Variants in DISC1 observed in about 807,000 individuals in gnomAD.
DISC1 encodes DISC1 scaffold protein.
In DISC1, 57 loss-of-function variants were observed where a neutral mutation model predicts 84.5. That is an observed-to-expected ratio of 0.67 (90% confidence interval 0.55 to 0.84). The LOEUF is 0.84. DISC1 is among the 40% of genes least tolerant of loss of function. The pLI is 0.00. For synonymous variants in DISC1, 411 were observed against 415.2 expected (o/e 0.99, Z 0.12); for missense variants, 1,000 against 1,057.8 (o/e 0.95, Z 0.76).
intron 6 of DISC1, among the ~76,000 whole-genome samples, chr1:231,779,647 CTTCCCGGG>C (rs2077236796): frequency 6.9e-6 from 1 of 144,024 alleles, no homozygotes; most frequent in Non-Finnish European, 1.5e-5. Flanking sequence ...GCAAGCTCCA[CTTCCCGGG>C]TTCACGCCAT....
intron 9 of DISC1, among the ~76,000 whole-genome samples, chr1:231,862,749 T>C (rs1053671088): frequency 6.6e-6 from 1 of 152,234 alleles, no homozygotes; most frequent in Non-Finnish European, 1.5e-5. Context: ...ACATTTAGTT[T>C]GGTAATATTT....
intron 9 of DISC1, among the ~76,000 whole-genome samples, chr1:231,879,218 A>G (rs1558683569): frequency 6.6e-6 from 1 of 152,076 alleles, no homozygotes; most frequent in Non-Finnish European, 1.5e-5. Flanking sequence ...GTGTTCAAAA[A>G]GTTTCAAATT....
chr1:231,707,323 C>A (rs941192456), intron 3 of DISC1, among the ~76,000 whole-genome samples: 6 of 152,196 alleles, frequency 3.9e-5, no homozygotes, highest in African/African-American at 1.4e-4. Context: ...GCAATTTCCA[C>A]CTGCAGCTCC....
chr1:231,914,571 C>T (rs2089483054), intron 9 of DISC1, among the ~76,000 whole-genome samples: 1 of 152,114 alleles, frequency 6.6e-6, no homozygotes, highest in Admixed American at 6.6e-5. Flanking sequence ...TTGTCCCCAC[C>T]ACAGGAAGAA....
chr1:231,955,869 G>T (rs752626775), intron 9 of DISC1, among the ~76,000 whole-genome samples: 8 of 152,114 alleles, frequency 5.3e-5, no homozygotes, highest in Non-Finnish European at 1.0e-4. Flanking sequence ...TCTAAAATCT[G>T]CCCACTTATC....
intron 7 of DISC1, among the ~76,000 whole-genome samples, chr1:231,797,537 GAA>G (rs2078854406): frequency 1.3e-5 from 2 of 152,154 alleles, no homozygotes; most frequent in Admixed American, 6.6e-5. Context: ...CTGCATGGAA[GAA>G]AGAGGGCAAG....
intron 1 of DISC1, among the ~76,000 whole-genome samples, chr1:231,672,068 C>G (rs200096186): frequency 6.6e-6 from 1 of 151,112 alleles, no homozygotes; most frequent in Non-Finnish European, 1.5e-5. Context: ...TTGCTCATAA[C>G]GGGATTGTTT....
chr1:231,771,279 A>G (rs1049908867), intron 6 of DISC1: 23 of 984,010 alleles, frequency 2.3e-5, no homozygotes, highest in Non-Finnish European at 2.7e-5. Flanking sequence ...TGGCCACTTA[A>G]CCCACTAAAT....
intron 9 of DISC1, among the ~76,000 whole-genome samples, chr1:231,943,175 G>A (rs1338145763): frequency 1.3e-5 from 2 of 152,226 alleles, no homozygotes; most frequent in East Asian, 3.8e-4. Context: ...CTACCTTGAT[G>A]CTTTAAAATG....
At chr1:232,022,916 T>G (rs1278807600) in intron 11 of DISC1, among the ~76,000 whole-genome samples, 2 of 152,162 alleles carry the variant, frequency 1.3e-5, no homozygotes, top group Non-Finnish European at 2.9e-5. Context: ...ACTTGTGCCT[T>G]GGAAAAACAG....
intron 3 of DISC1, among the ~76,000 whole-genome samples, chr1:231,742,129 T>C (rs2073362923): frequency 6.6e-6 from 1 of 152,212 alleles, no homozygotes; most frequent in Non-Finnish European, 1.5e-5. Context: ...CCTCTCTCCC[T>C]CATCTACTAC....
intron 8 of DISC1, among the ~76,000 whole-genome samples, chr1:231,814,692 C>T (rs1328863403): frequency 6.6e-6 from 1 of 152,114 alleles, no homozygotes; most frequent in Non-Finnish European, 1.5e-5. Flanking sequence ...AAACTGCTAA[C>T]ACCTTTCTTC....
At chr1:231,794,864 A>G (rs895690858) in intron 6 of DISC1, among the ~76,000 whole-genome samples, 1 of 152,112 alleles carries the variant, frequency 6.6e-6, no homozygotes, top group Non-Finnish European at 1.5e-5. Flanking sequence ...CCAAATAGAT[A>G]CTATTTGATT....
chr1:231,754,063 AT>A (rs1457772047), intron 4 of DISC1, among the ~76,000 whole-genome samples: 11 of 152,112 alleles, frequency 7.2e-5, no homozygotes, highest in African/African-American at 2.4e-4. Context: ...TAACCATTCA[AT>A]CAGTTTCTAG....
chr1:231,882,368 C>A (rs2086347605), intron 9 of DISC1, among the ~76,000 whole-genome samples: 1 of 152,120 alleles, frequency 6.6e-6, no homozygotes, highest in Non-Finnish European at 1.5e-5. Flanking sequence ...TCCCCTCAAT[C>A]CTGTCTCATT....
At chr1:231,717,866 C>A (rs758721612) in intron 3 of DISC1, among the ~76,000 whole-genome samples, 5 of 152,140 alleles carry the variant, frequency 3.3e-5, no homozygotes, top group Non-Finnish European at 7.3e-5. Flanking sequence ...ATTCATGGCA[C>A]CATTTTATTT....
intron 11 of DISC1, among the ~76,000 whole-genome samples, chr1:232,025,753 C>T (rs960389603): frequency 1.3e-5 from 2 of 152,046 alleles, no homozygotes; most frequent in South Asian, 2.1e-4. Context: ...CCCGCCACTA[C>T]GCCCGGCTAA....
intron 8 of DISC1, among the ~76,000 whole-genome samples, chr1:231,812,204 T>C (rs995789866): frequency 2.6e-5 from 4 of 152,094 alleles, no homozygotes; most frequent in Non-Finnish European, 5.9e-5. Context: ...TAAAGGTGCA[T>C]ACCACCATGC....
At chr1:231,837,737 G>A (rs1574179099) in intron 9 of DISC1, among the ~76,000 whole-genome samples, 1 of 152,296 alleles carries the variant, frequency 6.6e-6, no homozygotes, top group African/African-American at 2.4e-5. Context: ...CACAAGTAAT[G>A]TTTTCTTATG....
Sources: allele counts gnomAD v4.1 joint callset (sites outside exome capture counted in the v4.1 genomes callset), GRCh38; gene constraint gnomAD v4.1.1; transcripts MANE v1.5; gene names NCBI Gene and HGNC (gene_info 2026-07-23, HGNC 2026-07-21).